KANSL1: variants seen among roughly 807,000 people sequenced by gnomAD.
KANSL1 encodes the protein MLL1/MLL complex subunit KANSL1.
KANSL1 carries 22 observed loss-of-function variants against 103.6 expected under a neutral mutation model. That is an observed-to-expected ratio of 0.21 (90% CI 0.15 to 0.30). The LOEUF (loss-of-function observed/expected upper bound fraction) is 0.30. Ranked by LOEUF, KANSL1 falls within the 10% of genes least tolerant of loss-of-function variation. The pLI, the probability that KANSL1 is intolerant of heterozygous loss-of-function variation, is 1.00. For missense variants in KANSL1, 1,337 were observed against 1,399.8 expected, an observed-to-expected ratio of 0.96 and a Z score of 0.72; for synonymous variants, 600 against 527.6, an observed-to-expected ratio of 1.14 and a Z score of -1.88.
At chr17:46,175,538 T>C (rs146040703) in intron 1 of KANSL1, among the ~76,000 whole-genome samples, 20 of 152,292 alleles carry the variant, frequency 1.3e-4, no homozygotes, top group African/African-American at 4.8e-4. Flanking sequence ...TTAATGGAGA[T>C]GGAGTTTCAC....
intron 7 of KANSL1, chr17:46,040,356 T>G (rs2077274500): frequency 6.5e-6 from 1 of 154,176 alleles, no homozygotes. Context: ...ATTCTCTCTT[T>G]CCTTCCTCTG....
intron 3 of KANSL1, chr17:46,093,169 T>C (rs1312833715): frequency 6.6e-6 from 1 of 152,198 alleles, no homozygotes; most frequent in Non-Finnish European, 1.5e-5. Flanking sequence ...AAGAGGTGTC[T>C]CTGATAGAGA....
chr17:46,097,184 C>CT (rs1323902907), intron 2 of KANSL1, among the ~76,000 whole-genome samples: 1 of 152,076 alleles, frequency 6.6e-6, no homozygotes, highest in African/African-American at 2.4e-5. Context: ...TTTAATAGTT[C>CT]TATAGTAATA....
chr17:46,091,810 T>C (rs1419373097), intron 3 of KANSL1, among the ~76,000 whole-genome samples: 1 of 151,582 alleles, frequency 6.6e-6, no homozygotes, highest in Non-Finnish European at 1.5e-5. Context: ...TGTATATATG[T>C]AAGTATGTAT....
intron 1 of KANSL1, chr17:46,223,483 C>T (rs1397791885): frequency 3.4e-5 from 5 of 148,748 alleles, no homozygotes; most frequent in Non-Finnish European, 6.1e-5. Context: ...ACATTCACAC[C>T]GATAATCAAA....
At chr17:46,068,587 T>C (rs28495554) in intron 4 of KANSL1, among the ~76,000 whole-genome samples, 8,413 of 151,904 alleles carry the variant, frequency 0.055, 693 homozygotes, top group African/African-American at 0.18. Context: ...AATAAATAAA[T>C]AAACACACAC....
chr17:46,055,064 T>C (rs978087826), intron 6 of KANSL1, among the ~76,000 whole-genome samples: 3 of 151,962 alleles, frequency 2.0e-5, no homozygotes, highest in African/African-American at 7.2e-5. Context: ...TTAGCCAGGA[T>C]GGTCTCGATC....
intron 1 of KANSL1, among the ~76,000 whole-genome samples, chr17:46,188,396 C>T (rs920770652): frequency 2.0e-5 from 3 of 152,202 alleles, no homozygotes; most frequent in Non-Finnish European, 2.9e-5. Flanking sequence ...GAGGTATATA[C>T]GCAACTTATC....
chr17:46,187,544 T>C (rs569562607), intron 1 of KANSL1, among the ~76,000 whole-genome samples: 1 of 152,264 alleles, frequency 6.6e-6, no homozygotes, highest in African/African-American at 2.4e-5. Context: ...GAAACTTTAA[T>C]TCTAAAAAAA....
chr17:46,162,753 C>T (rs2045809506), intron 2 of KANSL1, among the ~76,000 whole-genome samples: 2 of 152,238 alleles, frequency 1.3e-5, no homozygotes, highest in South Asian at 4.1e-4. Flanking sequence ...TAAGCCATGT[C>T]AATGGCTTCA....
Position 46,082,512 on chromosome 17 carries a change from G to C in KANSL1, c.1462C>G (p.Pro488Ala). ...AGAAATAAGTCTGTTGTATGCTCTG[G>C]GGGAGGTACCTCCCCAAGAACTATC... The part of the protein sequence containing the change: ...GLIVLGEVPP[P>A]EHTTDLFLPL... Residue 488 changes from proline (P) to alanine (A), a missense_variant, in exon 4 of 15, where the codon CCA becomes GCA. Around this residue, in one of 2 missense-constraint regions of KANSL1, gnomAD observed 780 missense variants for 923.4 expected, o/e 0.84. Transcript: ENST00000432791. The C allele has an allele frequency of 6.2e-7, 1 of 1,611,722 alleles. No homozygotes were observed. Among genetic ancestry groups the C allele is most frequent in the Non-Finnish European group, 8.5e-7 (1 of 1,178,312 alleles).
At chr17:46,155,526 T>C (rs1327058118) in intron 2 of KANSL1, among the ~76,000 whole-genome samples, 11 of 152,186 alleles carry the variant, frequency 7.2e-5, no homozygotes, top group Admixed American at 7.2e-4. Flanking sequence ...AAAAATTTTG[T>C]TGTCTCAACT....
intron 1 of KANSL1, among the ~76,000 whole-genome samples, chr17:46,215,622 C>T (rs2048316217): frequency 6.6e-6 from 1 of 152,200 alleles, no homozygotes; most frequent in Non-Finnish European, 1.5e-5. Context: ...TAGAATGGCA[C>T]AAGAAGGAAC....
chr17:46,041,236 A>T (rs2077303564), intron 7 of KANSL1: 1 of 152,252 alleles, frequency 6.6e-6, no homozygotes, highest in Non-Finnish European at 1.5e-5. Context: ...TACATCATCT[A>T]CAAATGGAGA....
Position 46,125,889 on chromosome 17 carries a change from T to C in KANSL1, c.1290-31188A>G, listed in dbSNP as rs527949016. On this transcript the variant is annotated intron_variant, in intron 2 of 14. Coordinates refer to ENST00000432791, the MANE Select transcript of KANSL1 (RefSeq NM_015443.4). The stretch of plus-strand genomic sequence containing the variant: ...TAATACTAAAAATAGTTACCTCTTA[T>C]TGAAACCTGAAGGGCCTGGTACTTG... Among the ~76,000 whole-genome samples the C allele has an allele frequency of 2.6e-5, 4 of 152,364 alleles. No individual in the cohort carries two copies. In the East Asian group the frequency reaches 5.8e-4, roughly 22 times the overall value.
At chr17:46,146,153 G>C (rs1185255250) in intron 2 of KANSL1, among the ~76,000 whole-genome samples, 4 of 152,148 alleles carry the variant, frequency 2.6e-5, no homozygotes, top group African/African-American at 7.2e-5. Context: ...TCAGTATTGA[G>C]ACTAAACTGT....
In KANSL1 at chr17:46,174,497, A is replaced by T. The variant is rs1355243702; in HGVS notation, c.-89-2265T>A. ...CACATTCGGACTTTCTGAATATTTT[A>T]AAAGCCATTTCTGATTTAACAGACT... On this transcript the variant is annotated intron_variant, in intron 1 of 14. Coordinates refer to ENST00000432791, the MANE Select transcript of KANSL1 (RefSeq NM_015443.4). Among the ~76,000 whole-genome samples, 3 of 152,224 alleles carry T rather than the reference A, an allele frequency of 2.0e-5. No individual in the cohort carries two copies. In the East Asian group the frequency reaches 5.8e-4, roughly 29 times the overall value.
chr17:46,123,202 C>A (rs927776931), intron 2 of KANSL1, among the ~76,000 whole-genome samples: 16 of 152,126 alleles, frequency 1.1e-4, no homozygotes, highest in Non-Finnish European at 2.2e-4. Flanking sequence ...CATGGCGAAA[C>A]CCCCTCTCTA....
intron 1 of KANSL1, among the ~76,000 whole-genome samples, chr17:46,175,003 A>G (rs2046451192): frequency 1.3e-5 from 2 of 152,236 alleles, no homozygotes. Context: ...TTTATAAGAA[A>G]AACAATTTAT....
Sources: allele counts gnomAD v4.1 joint callset (sites outside exome capture counted in the v4.1 genomes callset), GRCh38; gene constraint gnomAD v4.1.1; regional missense constraint gnomAD v4.1.1; transcripts MANE v1.5; gene names NCBI Gene and HGNC (gene_info 2026-07-23, HGNC 2026-07-21).